Variants in PHF21B observed in about 807,000 individuals in gnomAD.
PHF21B encodes PHD finger protein 21B, also known as PHD finger protein 4.
PHF21B carries 22 observed loss-of-function variants against 62.2 expected under a neutral mutation model. The observed-to-expected ratio is 0.35, with a 90% CI of 0.25 to 0.51. The LOEUF (loss-of-function observed/expected upper bound fraction) is 0.51. Ranked by LOEUF, PHF21B falls within the 20% of genes least tolerant of loss-of-function variation. PHF21B has a pLI of 0.97. For synonymous variants in PHF21B, 341 were observed against 314.7 expected, an observed-to-expected ratio of 1.08 and a Z score of -0.88; for missense variants, 701 against 707.9, an observed-to-expected ratio of 0.99 and a Z score of 0.11.
At chr22:44,926,552 C>G (rs2071635916) in intron 2 of PHF21B, among the ~76,000 whole-genome samples, 1 of 152,214 alleles carries the variant, frequency 6.6e-6, no homozygotes, top group Non-Finnish European at 1.5e-5. Context: ...CCCACATGTG[C>G]CTCTGTGAGT....
At chr22:44,962,437 T>C (rs1468383610) in intron 2 of PHF21B, among the ~76,000 whole-genome samples, 1 of 152,238 alleles carries the variant, frequency 6.6e-6, no homozygotes, top group East Asian at 1.9e-4. Context: ...CACCTAACAT[T>C]GGCACGGCTG....
chr22:44,991,961 G>T (rs1341164401), intron 2 of PHF21B, among the ~76,000 whole-genome samples: 3 of 152,234 alleles, frequency 2.0e-5, no homozygotes. Context: ...TGTTGGCTGG[G>T]TCACAAGATT....
rs367723625 is a variant in PHF21B at position 44,991,637 on chromosome 22, G to A, written c.120+16908C>T. On this transcript the variant is annotated intron_variant, in intron 2 of 12. Transcript: ENST00000313237. ...GGAGGGGCAGTCCCTTACAGAGCTC[G>A]GGGGACCCTGGGGTGGTCACCCTGT... is the stretch of plus-strand genomic sequence containing the variant. Among the ~76,000 whole-genome samples, 6 of 152,270 alleles carry A rather than the reference G, an allele frequency of 3.9e-5. No homozygotes were observed. The East Asian group carries it at 7.7e-4, about 20-fold the overall frequency.
At chr22:44,901,978 A>G (rs1217995176) in intron 5 of PHF21B, 2 of 214,260 alleles carry the variant, frequency 9.3e-6, no homozygotes, top group Admixed American at 5.1e-5. Flanking sequence ...CCCTTCAGCC[A>G]GCATGGGAGA....
chr22:44,903,989 G>T (rs118059181), intron 5 of PHF21B, among the ~76,000 whole-genome samples: 25 of 152,002 alleles, frequency 1.6e-4, no homozygotes, highest in Non-Finnish European at 3.1e-4. Context: ...TGTATTTTCA[G>T]TGTATCCTTT....
Position 44,963,440 on chromosome 22 carries a change from C to A in PHF21B, c.121-42950G>T, listed in dbSNP as rs557520628. Among the ~76,000 whole-genome samples, 5 of 152,296 alleles carry A rather than the reference C, an allele frequency of 3.3e-5. No homozygotes were observed. The South Asian group carries it at 1.0e-3, about 32-fold the overall frequency. ...TAGAAATAAAGTGACTTCTATGAAG[C>A]CCTCACTTCTATCAAGCAGGGTCTG... On this transcript the variant is annotated intron_variant, in intron 2 of 12. Coordinates refer to ENST00000313237, the MANE Select transcript of PHF21B (RefSeq NM_138415.5).
At chr22:44,952,527 G>A (rs924867604) in intron 2 of PHF21B, among the ~76,000 whole-genome samples, 2 of 152,202 alleles carry the variant, frequency 1.3e-5, no homozygotes, top group African/African-American at 4.8e-5. Flanking sequence ...AAAAAGTCAA[G>A]TTCCAAGTGG....
At chr22:44,977,989 C>G (rs1037106253) in intron 2 of PHF21B, among the ~76,000 whole-genome samples, 6 of 152,160 alleles carry the variant, frequency 3.9e-5, no homozygotes, top group African/African-American at 1.4e-4. Context: ...GGTTGTTGCA[C>G]GTGGCCTCAC....
At position 44,996,821 on chromosome 22, in the gene PHF21B, TAC is replaced by T. The variant is rs369837155; in HGVS notation, c.120+11722_120+11723del. 8.1e-4 allele frequency among the ~76,000 whole-genome samples: 123 copies of T among 151,516 alleles called. No homozygotes were observed. In the East Asian group the frequency reaches 0.012, roughly 14 times the overall value. ...GCATACATGCAGACGCACATAAGCA[TAC>T]ACAGAGGTGGGCACACACGAACACA... On this transcript the variant is annotated intron_variant, in intron 2 of 12. Transcript: ENST00000313237.
intron 2 of PHF21B, among the ~76,000 whole-genome samples, chr22:45,007,444 C>CGCCCG (rs1268313451): frequency 2.8e-5 from 4 of 142,850 alleles, no homozygotes; most frequent in African/African-American, 1.1e-4. Flanking sequence ...CAGGCCCGGG[C>CGCCCG]GGGGGCGCGC....
chr22:44,958,301 G>A (rs1421501271), intron 2 of PHF21B, among the ~76,000 whole-genome samples: 1 of 152,104 alleles, frequency 6.6e-6, no homozygotes, highest in Non-Finnish European at 1.5e-5. Flanking sequence ...GTCTAGTCGG[G>A]GTCTGCTGAA....
At chr22:44,911,063 G>A (rs12160457) in intron 5 of PHF21B, among the ~76,000 whole-genome samples, 18,210 of 152,224 alleles carry the variant, frequency 0.12, 1,362 homozygotes, top group African/African-American at 0.22. Flanking sequence ...AGAGACTGGC[G>A]GCATTTTGCC....
At chr22:44,973,200 G>C (rs1055166717) in intron 2 of PHF21B, among the ~76,000 whole-genome samples, 18 of 152,040 alleles carry the variant, frequency 1.2e-4, no homozygotes, top group African/African-American at 3.9e-4. Context: ...CAGAGAAAAC[G>C]GGGTCTGCTG....
intron 2 of PHF21B, among the ~76,000 whole-genome samples, chr22:44,955,702 A>G (rs546410696): frequency 3.3e-5 from 5 of 152,258 alleles, no homozygotes; most frequent in African/African-American, 1.2e-4. Context: ...TTTGGACTGA[A>G]TGACAGCACC....
chr22:45,000,232 G>A lies in PHF21B; in HGVS notation c.120+8313C>T, dbSNP rs181767244. ...CTAAACAGTACTCGGGAGGGAAATCGGGGGGCAGGGCCTCCAAGGCTGGGC... is the reference window on the plus strand; with the variant it reads ...CTAAACAGTACTCGGGAGGGAAATCAGGGGGCAGGGCCTCCAAGGCTGGGC... On this transcript the variant is annotated intron_variant, in intron 2 of 12. Transcript: ENST00000313237. 2.7e-4 allele frequency among the ~76,000 whole-genome samples: 41 copies of A among 152,142 alleles called. No homozygotes were observed. In the East Asian group the frequency reaches 6.6e-3, roughly 24 times the overall value.
At chr22:44,993,514 G>T (rs1322746211) in intron 2 of PHF21B, among the ~76,000 whole-genome samples, 1 of 152,218 alleles carries the variant, frequency 6.6e-6, no homozygotes, top group African/African-American at 2.4e-5. Context: ...CGGAGAACAG[G>T]CCACAGCCAA....
rs552072951 is a variant in PHF21B, at chr22:44,955,987, G to A, written c.121-35497C>T. 2.0e-4 allele frequency among the ~76,000 whole-genome samples: 30 copies of A among 152,302 alleles called. 1 individual carries two copies. Among genetic ancestry groups the A allele is most frequent in the African/African-American group, 6.5e-4 (27 of 41,548 alleles). On this transcript the variant is annotated intron_variant, in intron 2 of 12. Coordinates refer to ENST00000313237, the MANE Select transcript of PHF21B (RefSeq NM_138415.5). ...CAGTTCTATATGAGCCCTGGCCCACGACAGGGAGGCACGGTGCTTTGTCCT... is the reference window on the plus strand; with the variant it reads ...CAGTTCTATATGAGCCCTGGCCCACAACAGGGAGGCACGGTGCTTTGTCCT...
chr22:44,970,604 G>A (rs572837430), intron 2 of PHF21B, among the ~76,000 whole-genome samples: 1 of 152,078 alleles, frequency 6.6e-6, no homozygotes, highest in Non-Finnish European at 1.5e-5. Flanking sequence ...GCCAATTCTC[G>A]GCCCTCCTTA....
chr22:44,990,066 G>A (rs79644681), intron 2 of PHF21B, among the ~76,000 whole-genome samples: 3,081 of 152,326 alleles, frequency 0.02, 100 homozygotes, highest in African/African-American at 0.069. Flanking sequence ...ACCCATGCCC[G>A]TGTCCCCTGG....
Sources: allele counts gnomAD v4.1 joint callset (sites outside exome capture counted in the v4.1 genomes callset), GRCh38; gene constraint gnomAD v4.1.1; transcripts MANE v1.5; gene names NCBI Gene and HGNC (gene_info 2026-07-23, HGNC 2026-07-21).